TBX4: variants seen among roughly 807,000 people sequenced by gnomAD.
TBX4 encodes T-box transcription factor 4, also known as T-box transcription factor TBX4.
A neutral mutation model predicts 54.6 loss-of-function variants in TBX4; 13 were observed. The observed-to-expected ratio is 0.24, with a 90% confidence interval of 0.15 to 0.38. The LOEUF is 0.38. TBX4 is among the 10% of genes least tolerant of loss of function. The pLI, the probability that TBX4 is intolerant of heterozygous loss-of-function variation, is 1.00. For missense variants in TBX4, 631 were observed against 728.5 expected, an observed-to-expected ratio of 0.87 and a Z score of 1.54; for synonymous variants, 314 against 306.7, an observed-to-expected ratio of 1.02 and a Z score of -0.25.
Position 61,473,234 on chromosome 17 carries a change from AC to A in TBX4, c.550-5391del, listed in dbSNP as rs552009431. 3.3e-3 allele frequency among the ~76,000 whole-genome samples: 509 copies of A among 152,320 alleles called. 5 individuals carry two copies. The highest frequency in any genetic ancestry group is 0.012 in the African/African-American group (489 of 41,566). On this transcript the variant is annotated intron_variant, in intron 5 of 8. Transcript: ENST00000644296. The stretch of plus-strand genomic sequence containing the variant: ...TGTTAGGTGTGTCACCTGATTTGTT[AC>A]CATGATAAATGCAGCCTTTCTTTCA...
rs368135922 is a variant in TBX4 at position 61,479,922 on chromosome 17, A to G, written c.744A>G (p.Gly248=). Residue 248 remains glycine (G), a synonymous_variant, in exon 7 of 9, where the codon GGA becomes GGG. Transcript: ENST00000644296. The surrounding 1 kb of genome is among the most constrained non-coding windows in gnomAD (Gnocchi z 6.1). ...TTGAGAACAACCCTTTTGCCAAGGGATTCCGGGGCAGTGATGACAGTGACC... is the reference window on the plus strand; with the variant it reads ...TTGAGAACAACCCTTTTGCCAAGGGGTTCCGGGGCAGTGATGACAGTGACC... The part of the protein sequence containing the change: ...LKIENNPFAK[G]FRGSDDSDLR... 180 of 1,613,932 alleles carry G rather than the reference A, an allele frequency of 1.1e-4. No homozygotes were observed. The highest frequency in any genetic ancestry group is 1.5e-4 in the Non-Finnish European group (177 of 1,180,018).
intron 4 of TBX4, 144 bp downstream of exon 4, chr17:61,466,082 T>A: frequency 7.3e-7 from 1 of 1,371,302 alleles, no homozygotes; most frequent in Non-Finnish European, 1.0e-6. Context: ...TGGAACTGGC[T>A]GTGCGGAGGC....
At position 61,483,383 on chromosome 17, in the gene TBX4, A is replaced by G. The variant is rs537917982; in HGVS notation, c.1508A>G (p.Glu503Gly). Residue 503 changes from glutamate (E) to glycine (G), a missense_variant, in exon 9 of 9, where the codon GAG becomes GGG. Transcript: ENST00000644296. The surrounding 1 kb of genome is among the most constrained non-coding windows in gnomAD (Gnocchi z 6.6). ...GAGCGCGGCCTCCCCCAAGGGTGTG[A>G]GAGGAAGCCACCCTCGCCACATCTA... ...PRERGLPQGC[E>G]RKPPSPHLNA... is the part of the protein sequence containing the mutation. 1.7e-5 allele frequency: 28 copies of G among 1,610,892 alleles called. No individual in the cohort carries two copies. The South Asian group carries it at 3.0e-4, about 17-fold the overall frequency.
chr17:61,454,853 T>G (rs1480032768), intron 1 of TBX4, among the ~76,000 whole-genome samples: 3 of 152,328 alleles, frequency 2.0e-5, no homozygotes, highest in Admixed American at 1.3e-4. Context: ...CGGCCCCTCC[T>G]TGCGACCCCG....
At chr17:61,482,173 T>A (rs1311568755) in intron 8 of TBX4, among the ~76,000 whole-genome samples, 1 of 152,192 alleles carries the variant, frequency 6.6e-6, no homozygotes, top group Non-Finnish European at 1.5e-5. Flanking sequence ...ACTTAGGCCC[T>A]CCTTGTGGAG....
At chr17:61,455,378 G>T (rs924203520) in intron 1 of TBX4, among the ~76,000 whole-genome samples, 1 of 152,226 alleles carries the variant, frequency 6.6e-6, no homozygotes, top group African/African-American at 2.4e-5. Context: ...AGAAAGCTCC[G>T]CTGGAGCGCC....
At position 61,465,749 on chromosome 17, in the gene TBX4, C is replaced by T. The variant is rs2060531602; in HGVS notation, c.282-70C>T. ...GCATCTGTTAGCGGCCTTCTGCCCC[C>T]TTGCTCACTCTGTTCCATCTCTCCT... On this transcript the variant is annotated intron_variant, in intron 3 of 8. Coordinates refer to ENST00000644296, the MANE Select transcript of TBX4 (RefSeq NM_001321120.2). The surrounding 1 kb of genome is among the most constrained non-coding windows in gnomAD (Gnocchi z 4.9). 10 of 1,605,776 alleles carry T rather than the reference C, an allele frequency of 6.2e-6. No homozygotes were observed. The South Asian group carries it at 1.1e-4, about 18-fold the overall frequency.
intron 3 of TBX4, among the ~76,000 whole-genome samples, chr17:61,458,858 T>C (rs4968566): frequency 1 from 151,873 of 152,388 alleles, 75,684 homozygotes; most frequent in Middle Eastern, 1. Flanking sequence ...AACCACTTAG[T>C]GAATGATAGA....
rs1365281562 is a variant in TBX4 at position 61,476,428 on chromosome 17, A to G, written c.550-2199A>G. On this transcript the variant is annotated intron_variant, in intron 5 of 8. Transcript: ENST00000644296. This position sits in a 1 kb window ranked among gnomAD's most constrained non-coding sequence, Gnocchi z 6.5. ...GGAGCTATCGGGCCACCTCCCAGGT[A>G]TTCCATTGCTGGATCTTCCGGGAAC... Among the ~76,000 whole-genome samples the G allele has an allele frequency of 6.6e-6, 1 of 152,228 alleles. No homozygotes were observed. Among genetic ancestry groups the G allele is most frequent in the Non-Finnish European group, 1.5e-5 (1 of 68,032 alleles).
At chr17:61,455,569 C>A (rs2060441630) in intron 1 of TBX4, among the ~76,000 whole-genome samples, 1 of 152,208 alleles carries the variant, frequency 6.6e-6, no homozygotes, top group South Asian at 2.1e-4. Flanking sequence ...CCAAGACAGC[C>A]GAAGAAATGT....
At position 61,475,349 on chromosome 17, in the gene TBX4, G is replaced by A. The variant is rs913485112; in HGVS notation, c.550-3278G>A. Among the ~76,000 whole-genome samples, 2 of 152,232 alleles carry A rather than the reference G, an allele frequency of 1.3e-5. No homozygotes were observed. The highest frequency in any genetic ancestry group is 4.8e-5 in the African/African-American group (2 of 41,454). On this transcript the variant is annotated intron_variant, in intron 5 of 8. Coordinates refer to ENST00000644296, the MANE Select transcript of TBX4 (RefSeq NM_001321120.2). This position sits in a 1 kb window ranked among gnomAD's most constrained non-coding sequence, Gnocchi z 5.0. ...ACTGGCAGCAGTGGTAGGAGGGGAT[G>A]TGGGGGAAAGAGGAGGAAATACAAA...
At chr17:61,455,686 G>A (rs1229038229) in intron 1 of TBX4, among the ~76,000 whole-genome samples, 4 of 152,236 alleles carry the variant, frequency 2.6e-5, no homozygotes, top group Admixed American at 2.6e-4. Context: ...AGAGCCCTGT[G>A]GCGCTAAAGT....
rs1354960935 is a variant in TBX4, at chr17:61,464,705, T to G, written c.282-1114T>G. 6.6e-6 allele frequency among the ~76,000 whole-genome samples: 1 copy of G among 152,170 alleles called. No homozygotes were observed. The highest frequency in any genetic ancestry group is 1.9e-4 in the East Asian group (1 of 5,192). The stretch of plus-strand genomic sequence containing the variant: ...GATCGTGGGAAGTTCCGTTCTTCCC[T>G]CTGGTGAAGTCAGGGACCTAGTGAC... On this transcript the variant is annotated intron_variant, in intron 3 of 8. Coordinates refer to ENST00000644296, the MANE Select transcript of TBX4 (RefSeq NM_001321120.2). The surrounding 1 kb of genome is among the most constrained non-coding windows in gnomAD (Gnocchi z 5.8).
intron 5 of TBX4, among the ~76,000 whole-genome samples, chr17:61,471,892 A>ATTTTTTTTTT (rs35198276): frequency 9.6e-5 from 7 of 72,944 alleles, no homozygotes; most frequent in African/African-American, 3.6e-4. Context: ...TGCCCAGCTA[A>ATTTTTTTTTT]TTTTTTTTTT....
intron 3 of TBX4, among the ~76,000 whole-genome samples, chr17:61,458,342 G>A (rs937122011): frequency 6.6e-6 from 1 of 151,722 alleles, no homozygotes; most frequent in Non-Finnish European, 1.5e-5. Flanking sequence ...GTGGGGTGGG[G>A]GCAGGAGTGT....
At chr17:61,454,645 A>C (rs1032001422) in intron 1 of TBX4, among the ~76,000 whole-genome samples, 2 of 152,232 alleles carry the variant, frequency 1.3e-5, no homozygotes, top group Non-Finnish European at 2.9e-5. Flanking sequence ...GAGGGAGAGC[A>C]CTGAGCAGGC....
Position 61,479,959 on chromosome 17 carries a change from C to A in TBX4, c.781C>A (p.Arg261=), listed in dbSNP as rs774711057. ...GSDDSDLRVA[R]LQSKEYPVIS... is the part of the protein sequence containing the mutation. ...TGATGACAGTGACCTGCGTGTGGCCCGACTGCAGAGGTGGGGCTGCGTAGC... is the reference window on the plus strand; with the variant it reads ...TGATGACAGTGACCTGCGTGTGGCCAGACTGCAGAGGTGGGGCTGCGTAGC... Residue 261 remains arginine, a synonymous_variant, in exon 7 of 9, where the codon CGA becomes AGA. Coordinates refer to ENST00000644296, the MANE Select transcript of TBX4 (RefSeq NM_001321120.2). This position sits in a 1 kb window ranked among gnomAD's most constrained non-coding sequence, Gnocchi z 6.1. 2 of 1,613,964 alleles carry A rather than the reference C, an allele frequency of 1.2e-6. No individual in the cohort carries two copies. Among genetic ancestry groups the A allele is most frequent in the Non-Finnish European group, 1.7e-6 (2 of 1,179,984 alleles).
Position 61,464,018 on chromosome 17 carries a change from GC to G in TBX4, c.282-1797del, listed in dbSNP as rs2143816277. Reference sequence around the variant, plus strand: ...GCAGGAGGCAGGGTTGGGTTCCTGAGCCCCTCACTTCCCCCATTCCTGGAGA... The same window carrying G: ...GCAGGAGGCAGGGTTGGGTTCCTGAGCCCTCACTTCCCCCATTCCTGGAGA... On this transcript the variant is annotated intron_variant, in intron 3 of 8. Coordinates refer to ENST00000644296, the MANE Select transcript of TBX4 (RefSeq NM_001321120.2). This position sits in a 1 kb window ranked among gnomAD's most constrained non-coding sequence, Gnocchi z 5.8. Among the ~76,000 whole-genome samples the G allele has an allele frequency of 6.6e-6, 1 of 152,284 alleles. No homozygotes were observed. Among genetic ancestry groups the G allele is most frequent in the African/African-American group, 2.4e-5 (1 of 41,556 alleles).
chr17:61,454,968 A>G (rs1238642858), intron 1 of TBX4, among the ~76,000 whole-genome samples: 1 of 152,006 alleles, frequency 6.6e-6, no homozygotes, highest in Non-Finnish European at 1.5e-5. Context: ...GCGGGCAGCT[A>G]CCCTACTGGC....
Sources: gnomAD v4.1 joint callset for allele counts (sites outside exome capture counted in the v4.1 genomes callset) on GRCh38, gnomAD v4.1.1 for gene constraint, Gnocchi (gnomAD v3.1) non-coding constraint, MANE v1.5 for transcripts, NCBI Gene and HGNC (gene_info 2026-07-23, HGNC 2026-07-21) for gene names.